TAB2: variants seen among roughly 807,000 people sequenced by gnomAD.
TAB2 encodes TGF-beta activated kinase 1 (MAP3K7) binding protein 2.
In TAB2, 3 loss-of-function variants were observed where a neutral mutation model predicts 65.0. The ratio of observed to expected loss-of-function variants is 0.05; its 90% confidence interval spans 0.02 to 0.12. TAB2 has a LOEUF of 0.12. Among genes scored for constraint, TAB2 ranks in the 10% least tolerant of loss-of-function variants. The pLI, the probability that TAB2 is intolerant of heterozygous loss-of-function variation, is 1.00. For missense variants in TAB2, 623 were observed against 840.3 expected, an observed-to-expected ratio of 0.74 and a Z score of 3.20; for synonymous variants, 298 against 285.1, an observed-to-expected ratio of 1.05 and a Z score of -0.46.
chr6:149,358,070 A>G (rs888019857), intron 1 of TAB2, among the ~76,000 whole-genome samples: 3 of 152,178 alleles, frequency 2.0e-5, no homozygotes, highest in African/African-American at 7.2e-5. Flanking sequence ...TTGCTGAGTC[A>G]TAGGGTCTGC....
chr6:149,309,316 G>A (rs1429262914), intron 1 of TAB2, among the ~76,000 whole-genome samples: 1 of 151,072 alleles, frequency 6.6e-6, no homozygotes, highest in Non-Finnish European at 1.5e-5. Flanking sequence ...CTTTACATAT[G>A]TTCATTCATT....
chr6:149,400,347 C>A, intron 6 of TAB2: 2 of 1,597,706 alleles, frequency 1.3e-6, no homozygotes, highest in Non-Finnish European at 1.7e-6. Context: ...GCGGACCCGC[C>A]ACCTCTTTTG....
Position 149,409,580 on chromosome 6 carries a change from A to G in TAB2, c.1943A>G (p.Gln648Arg), listed in dbSNP as rs779901683. ...ATAATTTTTTTCTTTCTTACAGATC[A>G]AAGGTCCATCATCAAAACACCAAAG... ...VGPVPPKPKD[Q>R]RSIIKTPKTQ... The change falls in exon 7 of 7, where the codon CAA becomes CGA. Residue 648 changes from glutamine to arginine, a missense_variant. Gln to Arg is a conservative substitution (Grantham distance 43, BLOSUM62 1). Transcript: ENST00000637181. 3 of 1,613,738 alleles carry G rather than the reference A, an allele frequency of 1.9e-6. No individual in the cohort carries two copies. Among genetic ancestry groups the G allele is most frequent in the South Asian group, 2.2e-5 (2 of 91,084 alleles).
rs1782846115 is a variant in TAB2, at chr6:149,411,160, C to T, written c.*1441C>T. 2 of 152,478 alleles carry T rather than the reference C, an allele frequency of 1.3e-5. No homozygotes were observed. The highest frequency in any genetic ancestry group is 4.1e-4 in the South Asian group (2 of 4,824). The allele number at this position is 152,478 out of a possible 1,614,324, so 9.4% of individuals were successfully genotyped here. A position where few individuals can be genotyped will look rare whatever the true frequency, so the allele number is the denominator to read the frequency against. On this transcript the variant is annotated 3_prime_UTR_variant, in exon 7 of 7. Transcript: ENST00000637181. ...AAAGAACAGTATGCATTTAAAAAGA[C>T]AGAATTATGAAATTATATGAGTGCT...
intron 1 of TAB2, chr6:149,255,365 T>C (rs577349313): frequency 3.7e-4 from 57 of 152,354 alleles, no homozygotes; most frequent in African/African-American, 1.3e-3. Context: ...TGTTTGTTGA[T>C]TAAGGAAACA....
chr6:149,326,926 T>C (rs1779638160), intron 1 of TAB2, among the ~76,000 whole-genome samples: 3 of 152,210 alleles, frequency 2.0e-5, no homozygotes, highest in Admixed American at 2.0e-4. Context: ...AACCTAACAT[T>C]TTCACATCCT....
At chr6:149,389,113 G>A (rs1413718123) in intron 3 of TAB2, among the ~76,000 whole-genome samples, 7 of 151,568 alleles carry the variant, frequency 4.6e-5, no homozygotes, top group Non-Finnish European at 8.8e-5. Context: ...GCACCACCAC[G>A]CCTGGCTAAT....
chr6:149,227,944 G>A (rs1237355213), intron 1 of TAB2, among the ~76,000 whole-genome samples: 2 of 152,028 alleles, frequency 1.3e-5, no homozygotes, highest in Non-Finnish European at 2.9e-5. Flanking sequence ...GGGGCAAGAA[G>A]CCAGCGTAGC....
Position 149,403,234 on chromosome 6 carries a change from TAAAA to T in TAB2, c.1939+4061_1939+4064del, listed in dbSNP as rs745966790. 6.9e-3 allele frequency among the ~76,000 whole-genome samples: 457 copies of T among 66,026 alleles called. 3 individuals carry two copies. Among genetic ancestry groups the T allele is most frequent in the South Asian group, 0.014 (28 of 2,018 alleles). The allele number at this position is 66,026 out of a possible 152,430, so 43.3% of individuals were successfully genotyped here. ...GGGCAACGGGAGCGAAACTCTTGTC[TAAAA>T]AAAAAAAAAATATATATATATATAT... On this transcript the variant is annotated intron_variant, in intron 6 of 6. Transcript: ENST00000637181.
Position 149,378,518 on chromosome 6 carries a change from TCCA to T in TAB2, c.606_608del (p.Pro203del). ...CATCTTTGCACATACATGGTGTACCTCCACCTGTACTTAACAGTCCACAGGGAA... is the reference window on the plus strand; with the variant it reads ...CATCTTTGCACATACATGGTGTACCTCCTGTACTTAACAGTCCACAGGGAA... On this transcript the variant is annotated inframe_deletion, in exon 3 of 7. Coordinates refer to ENST00000637181, the MANE Select transcript of TAB2 (RefSeq NM_001292034.3). The T allele has an allele frequency of 6.2e-7, 1 of 1,614,148 alleles. No individual in the cohort carries two copies. Among genetic ancestry groups the T allele is most frequent in the South Asian group, 1.1e-5 (1 of 91,086 alleles).
chr6:149,320,323 C>T (rs1346869816), intron 1 of TAB2, among the ~76,000 whole-genome samples: 1 of 152,170 alleles, frequency 6.6e-6, no homozygotes, highest in Admixed American at 6.5e-5. Context: ...GTGATCCACC[C>T]GCCTCAGCCT....
At chr6:149,229,463 G>A (rs1326810994) in intron 1 of TAB2, among the ~76,000 whole-genome samples, 1 of 151,982 alleles carries the variant, frequency 6.6e-6, no homozygotes, top group Non-Finnish European at 1.5e-5. Context: ...GGGGTGAGGG[G>A]CTGCTGACAA....
intron 2 of TAB2, among the ~76,000 whole-genome samples, chr6:149,375,860 G>A (rs1362432625): frequency 1.3e-5 from 2 of 152,052 alleles, no homozygotes; most frequent in East Asian, 3.9e-4. Flanking sequence ...ACCATGAGAG[G>A]TTTAAGTTGT....
At chr6:149,330,929 C>T (rs1428291403) in intron 1 of TAB2, among the ~76,000 whole-genome samples, 1 of 152,064 alleles carries the variant, frequency 6.6e-6, no homozygotes, top group South Asian at 2.1e-4. Context: ...ATCAGATAGC[C>T]GTAATTGTGA....
rs577747206 is a variant in TAB2 at position 149,239,868 on chromosome 6, G to A, written c.-121+21092G>A. ...GAGATGATAGCCTAGTAGACAGTGT[G>A]TCCAACAGGTAAACTTGACCTATTA... On this transcript the variant is annotated intron_variant, in intron 1 of 1. Coordinates refer to the TAB2 transcript ENST00000606202. 1.0e-3 allele frequency among the ~76,000 whole-genome samples: 152 copies of A among 152,286 alleles called. 1 individual carries two copies. Among genetic ancestry groups the A allele is most frequent in the Admixed American group, 6.7e-3 (102 of 15,298 alleles).
intron 1 of TAB2, among the ~76,000 whole-genome samples, chr6:149,258,123 TAG>T (rs556522107): frequency 2.0e-5 from 3 of 152,108 alleles, no homozygotes; most frequent in Non-Finnish European, 4.4e-5. Context: ...CTTCTCCAGC[TAG>T]AGAGTCTGGG....
intron 1 of TAB2, among the ~76,000 whole-genome samples, chr6:149,325,804 A>G (rs62426069): frequency 0.23 from 35,649 of 152,054 alleles, 4,352 homozygotes; most frequent in Non-Finnish European, 0.26. Context: ...CAGTGGCACA[A>G]CCACAGCTCA....
chr6:149,312,465 C>T (rs773726595), intron 1 of TAB2, among the ~76,000 whole-genome samples: 4 of 152,130 alleles, frequency 2.6e-5, no homozygotes, highest in African/African-American at 7.2e-5. Context: ...CGGGTTCAAG[C>T]CATTCTCATG....
At chr6:149,295,391 T>C (rs955405921) in intron 1 of TAB2, among the ~76,000 whole-genome samples, 2 of 152,230 alleles carry the variant, frequency 1.3e-5, no homozygotes, top group African/African-American at 4.8e-5. Context: ...TGAGATTTAC[T>C]GGTCATCTGT....
Sources: allele counts gnomAD v4.1 joint callset (sites outside exome capture counted in the v4.1 genomes callset), GRCh38; gene constraint gnomAD v4.1.1; transcripts MANE v1.5; gene names NCBI Gene and HGNC (gene_info 2026-07-23, HGNC 2026-07-21).